The following ASIC5 variants were observed in gnomAD, a reference collection of about 807,000 sequenced individuals.
ASIC5 encodes the protein bile acid-sensitive ion channel.
Under a neutral mutation model 51.2 loss-of-function variants are expected in ASIC5, and 52 were observed. The observed-to-expected ratio is 1.02, with a 90% CI of 0.81 to 1.28. The LOEUF is 1.28. ASIC5 is among the 50% of genes most tolerant of loss of function. ASIC5 has a pLI of 0.00. For missense variants in ASIC5, 635 were observed against 595.0 expected (o/e 1.07, Z -0.70); for synonymous variants, 231 against 200.7 (o/e 1.15, Z -1.28).
chr4:155,865,293 A>G (rs948618810), intron 1 of ASIC5, among the ~76,000 whole-genome samples: 23 of 152,158 alleles, frequency 1.5e-4, no homozygotes, highest in African/African-American at 5.5e-4. Context: ...ACATGTATCA[A>G]GTAACTGGCA....
chr4:155,855,659 AT>A (rs1441794965), intron 2 of ASIC5, among the ~76,000 whole-genome samples: 5 of 150,522 alleles, frequency 3.3e-5, no homozygotes, highest in Non-Finnish European at 7.4e-5. Context: ...TGTGTCCCAG[AT>A]TTTATTTCTA....
chr4:155,831,834 A>G lies in ASIC5; in HGVS notation c.1317T>C (p.Ser439=). The change falls in exon 9 of 10, where the codon TCT becomes TCC. Residue 439 remains serine (S), a synonymous_variant. Coordinates refer to ENST00000537611, the MANE Select transcript of ASIC5 (RefSeq NM_017419.3). ...ITQQQKAVSV[S]ELLADLGGQL... ...TTAAATAACACTTACCAAGTAACTC[A>G]GACACACTCACCGCCTTTTGCTGCT... 6.3e-7 allele frequency: 1 copy of G among 1,593,066 alleles called. No homozygotes were observed. Among genetic ancestry groups the G allele is most frequent in the Non-Finnish European group, 8.6e-7 (1 of 1,161,824 alleles).
At chr4:155,834,268 C>T (rs1205139997) in intron 8 of ASIC5, among the ~76,000 whole-genome samples, 5 of 152,294 alleles carry the variant, frequency 3.3e-5, no homozygotes, top group Non-Finnish European at 5.9e-5. Flanking sequence ...GCATTTATTT[C>T]TGTCCCAGGA....
rs757120192 is a variant in ASIC5, at chr4:155,831,857, G to A, written c.1294C>T (p.Gln432Ter). The change falls in exon 9 of 10, where the codon CAG becomes TAG. Residue 432 changes from glutamine to a stop codon, truncating the protein, a stop_gained. Coordinates refer to ENST00000537611, the MANE Select transcript of ASIC5 (RefSeq NM_017419.3). LOFTEE classifies it high-confidence loss of function. The stretch of plus-strand genomic sequence containing the variant: ...TCAGACACACTCACCGCCTTTTGCT[G>A]CTGGGTTATCTTATAGTTTAGGTCA... ...YSDLNYKITQ[Q>*]QKAVSVSELL... 5 of 1,607,918 alleles carry A rather than the reference G, an allele frequency of 3.1e-6. No homozygotes were observed. The highest frequency in any genetic ancestry group is 4.5e-5 in the East Asian group (2 of 44,686).
rs185762654 is a variant in ASIC5 at position 155,831,825 on chromosome 4, A to G, written c.1326T>C (p.Leu442=). The change falls in exon 9 of 10, where the codon CTT becomes CTC. Residue 442 remains leucine (L), a splice_region_variant and synonymous_variant. Transcript: ENST00000537611. ...QQKAVSVSEL[L]ADLGGQLGLF... ...AAGGAGCAATTAAATAACACTTACC[A>G]AGTAACTCAGACACACTCACCGCCT... 4.2e-5 allele frequency: 66 copies of G among 1,567,242 alleles called. No individual in the cohort carries two copies. Among genetic ancestry groups the G allele is most frequent in the Admixed American group, 2.2e-4 (13 of 59,422 alleles).
chr4:155,837,933 T>C (rs940219018), intron 7 of ASIC5, among the ~76,000 whole-genome samples: 2 of 152,022 alleles, frequency 1.3e-5, no homozygotes, highest in Non-Finnish European at 2.9e-5. Context: ...AAGCTCTCCC[T>C]CCAGCCTCCA....
chr4:155,844,129 T>A (rs1741183507), intron 4 of ASIC5, among the ~76,000 whole-genome samples: 1 of 152,004 alleles, frequency 6.6e-6, no homozygotes, highest in African/African-American at 2.4e-5. Flanking sequence ...CACAAAGGGA[T>A]CCTGAGTGAA....
chr4:155,846,799 A>G (rs1741253224), intron 4 of ASIC5, among the ~76,000 whole-genome samples: 2 of 152,166 alleles, frequency 1.3e-5, no homozygotes, highest in African/African-American at 4.8e-5. Context: ...TAAATAATAG[A>G]TATTTCATTA....
At chr4:155,838,120 C>G (rs1035261089) in intron 7 of ASIC5, among the ~76,000 whole-genome samples, 1 of 152,098 alleles carries the variant, frequency 6.6e-6, no homozygotes, top group Non-Finnish European at 1.5e-5. Flanking sequence ...ATTCCTGCTA[C>G]CCTGGAGATA....
chr4:155,862,723 C>A (rs1310446457), intron 2 of ASIC5, among the ~76,000 whole-genome samples: 3 of 152,122 alleles, frequency 2.0e-5, no homozygotes, highest in Non-Finnish European at 4.4e-5. Flanking sequence ...CTCTTTGCAG[C>A]CGCACTGATC....
chr4:155,846,450 G>C (rs1741243772), intron 4 of ASIC5, among the ~76,000 whole-genome samples: 1 of 152,070 alleles, frequency 6.6e-6, no homozygotes, highest in Non-Finnish European at 1.5e-5. Flanking sequence ...TTCTAATCTT[G>C]TGGCTTTAGG....
At chr4:155,854,020 C>A in intron 3 of ASIC5, 57 bp downstream of exon 3, 1 of 1,299,576 alleles carries the variant, frequency 7.7e-7, no homozygotes, top group Non-Finnish European at 1.1e-6. Context: ...CAATGTGAAA[C>A]AGTGCAGTAA....
intron 4 of ASIC5, among the ~76,000 whole-genome samples, chr4:155,848,938 A>C (rs1227584264): frequency 6.6e-6 from 1 of 152,086 alleles, no homozygotes; most frequent in East Asian, 1.9e-4. Flanking sequence ...CTATGAACAA[A>C]ACGTGGAGCA....
rs115468019 is a variant in ASIC5 at position 155,864,172 on chromosome 4, G to A, written c.41-418C>T. 5.6e-3 allele frequency among the ~76,000 whole-genome samples: 851 copies of A among 152,258 alleles called. 8 individuals are homozygous for A. The highest frequency in any genetic ancestry group is 0.018 in the African/African-American group (742 of 41,558). The stretch of plus-strand genomic sequence containing the variant: ...GATTCCTCTGACAGTCCTAAGTATG[G>A]CTAAAAGTAATCTGTTCTTAACTAA... On this transcript the variant is annotated intron_variant, in intron 1 of 9. Transcript: ENST00000537611.
At chr4:155,850,297 C>T (rs1321304178) in intron 4 of ASIC5, among the ~76,000 whole-genome samples, 1 of 151,998 alleles carries the variant, frequency 6.6e-6, no homozygotes, top group African/African-American at 2.4e-5. Flanking sequence ...CTCTCACCTA[C>T]CTATGACCTT....
chr4:155,856,834 G>A lies in ASIC5; in HGVS notation c.348-2520C>T, dbSNP rs574689146. ...TGCACAGTCAGAGCCAGTATTCCCTGAATATATTCATTGGATTATATTCAA... is the reference window on the plus strand; with the variant it reads ...TGCACAGTCAGAGCCAGTATTCCCTAAATATATTCATTGGATTATATTCAA... On this transcript the variant is annotated intron_variant, in intron 2 of 9. Coordinates refer to ENST00000537611, the MANE Select transcript of ASIC5 (RefSeq NM_017419.3). Among the ~76,000 whole-genome samples the A allele has an allele frequency of 3.9e-5, 6 of 151,950 alleles. No individual in the cohort carries two copies. The East Asian group carries it at 5.8e-4, about 15-fold the overall frequency.
intron 2 of ASIC5, chr4:155,854,891 C>A (rs1741489204): frequency 6.6e-6 from 1 of 152,422 alleles, no homozygotes; most frequent in Non-Finnish European, 1.5e-5. Context: ...GTAAAGATGA[C>A]AGCTATCCTG....
At chr4:155,847,217 AG>A (rs1268674032) in intron 4 of ASIC5, among the ~76,000 whole-genome samples, 1 of 152,094 alleles carries the variant, frequency 6.6e-6, no homozygotes, top group African/African-American at 2.4e-5. Context: ...TGGTTTGCTT[AG>A]GAAAAAAACT....
intron 9 of ASIC5, among the ~76,000 whole-genome samples, chr4:155,830,711 C>A (rs1008456051): frequency 2.6e-5 from 4 of 152,144 alleles, no homozygotes; most frequent in African/African-American, 9.7e-5. Flanking sequence ...ATGTTTTCAT[C>A]TTCCCTAACT....
Sources: gnomAD v4.1 joint callset for allele counts (sites outside exome capture counted in the v4.1 genomes callset) on GRCh38, gnomAD v4.1.1 for gene constraint, MANE v1.5 for transcripts, NCBI Gene and HGNC (gene_info 2026-07-23, HGNC 2026-07-21) for gene names.